Variants in NRG3 observed in about 807,000 individuals in gnomAD.
NRG3 encodes pro-neuregulin-3, membrane-bound isoform.
NRG3 carries 31 observed loss-of-function variants against 66.9 expected under a neutral mutation model. The ratio of observed to expected loss-of-function variants is 0.46; its 90% confidence interval spans 0.35 to 0.63. The LOEUF (loss-of-function observed/expected upper bound fraction) is 0.63, where lower values mean the gene tolerates loss of function less well. NRG3 is among the 20% of genes least tolerant of loss of function. The probability of loss-of-function intolerance (pLI) is 0.00; values close to 1 mark genes in which losing one functional copy is unlikely to be tolerated. For missense variants in NRG3, 910 were observed against 878.9 expected (o/e 1.04, Z -0.45); for synonymous variants, 393 against 359.4 (o/e 1.09, Z -1.06).
chr10:82,708,282 C>T (rs771306270), intron 2 of NRG3, among the ~76,000 whole-genome samples: 5 of 152,032 alleles, frequency 3.3e-5, no homozygotes, highest in Non-Finnish European at 5.9e-5. Context: ...GTGAGTTTCC[C>T]AGGACCATTT....
At chr10:82,638,881 G>A (rs746779388) in intron 2 of NRG3, among the ~76,000 whole-genome samples, 11 of 152,120 alleles carry the variant, frequency 7.2e-5, no homozygotes, top group Non-Finnish European at 1.5e-4. Flanking sequence ...TCTTGACCTC[G>A]GGATCCTCCC....
intron 4 of NRG3, among the ~76,000 whole-genome samples, chr10:82,873,166 C>T (rs1841499099): frequency 6.6e-6 from 1 of 152,022 alleles, no homozygotes; most frequent in Admixed American, 6.5e-5. Flanking sequence ...ATTTCAACAG[C>T]AAATACTGAT....
intron 2 of NRG3, among the ~76,000 whole-genome samples, chr10:82,632,038 G>T (rs2049880155): frequency 6.6e-6 from 1 of 152,046 alleles, no homozygotes; most frequent in African/African-American, 2.4e-5. Context: ...GGAGACAGAG[G>T]TTGCACTGGG....
chr10:82,314,458 AT>A (rs1186323061), intron 1 of NRG3, among the ~76,000 whole-genome samples: 1 of 151,888 alleles, frequency 6.6e-6, no homozygotes, highest in African/African-American at 2.4e-5. Context: ...TTAATTTAAA[AT>A]TTAAAAAAAA....
chr10:81,887,460 A>G (rs2132527367), intron 1 of NRG3, among the ~76,000 whole-genome samples: 1 of 152,330 alleles, frequency 6.6e-6, no homozygotes, highest in South Asian at 2.1e-4. Flanking sequence ...CAAGGATCAA[A>G]TGAAAAGAGA....
chr10:82,360,897 CTCA>C (rs1442490176), intron 2 of NRG3, among the ~76,000 whole-genome samples: 1 of 152,066 alleles, frequency 6.6e-6, no homozygotes, highest in Non-Finnish European at 1.5e-5. Flanking sequence ...GATGTATCTT[CTCA>C]TCATGTTTCC....
At chr10:82,672,483 G>T (rs1032064514) in intron 2 of NRG3, among the ~76,000 whole-genome samples, 2 of 152,152 alleles carry the variant, frequency 1.3e-5, no homozygotes, top group African/African-American at 4.8e-5. Context: ...GATTTCAGGG[G>T]CTAATGTCAA....
intron 1 of NRG3, chr10:82,232,864 G>T (rs1415982327): frequency 2.8e-6 from 2 of 717,084 alleles, no homozygotes; most frequent in Non-Finnish European, 5.2e-6. Flanking sequence ...TGAGAGAAGG[G>T]TAAGGCAGGA....
chr10:82,088,703 C>T (rs1017720725), intron 1 of NRG3, among the ~76,000 whole-genome samples: 1 of 151,984 alleles, frequency 6.6e-6, no homozygotes, highest in Non-Finnish European at 1.5e-5. Flanking sequence ...TCCCTCAGCT[C>T]GGTATTTAAT....
intron 1 of NRG3, among the ~76,000 whole-genome samples, chr10:82,096,840 C>T (rs1250372619): frequency 2.0e-5 from 3 of 152,032 alleles, no homozygotes; most frequent in Admixed American, 6.5e-5. Flanking sequence ...ACAGAAAAGC[C>T]TACACATGAA....
intron 2 of NRG3, among the ~76,000 whole-genome samples, chr10:82,395,998 A>G (rs933880660): frequency 3.3e-5 from 5 of 152,196 alleles, no homozygotes; most frequent in Non-Finnish European, 7.4e-5. Context: ...TTATTTCTTT[A>G]TTAAAATCTT....
chr10:82,568,386 G>A (rs1205407040), intron 2 of NRG3, among the ~76,000 whole-genome samples: 2 of 151,816 alleles, frequency 1.3e-5, no homozygotes, highest in Non-Finnish European at 2.9e-5. Flanking sequence ...GGCTAGGTTA[G>A]GAAATGCTGA....
At chr10:81,888,271 T>A (rs1447702282) in intron 1 of NRG3, among the ~76,000 whole-genome samples, 2 of 152,124 alleles carry the variant, frequency 1.3e-5, no homozygotes, top group Non-Finnish European at 2.9e-5. Context: ...TGTATTTATA[T>A]TCAATAAAAC....
chr10:82,701,082 T>G (rs2134289592), intron 2 of NRG3, among the ~76,000 whole-genome samples: 1 of 152,068 alleles, frequency 6.6e-6, no homozygotes, highest in South Asian at 2.1e-4. Flanking sequence ...AGATATTTTA[T>G]AAAGTCTTAA....
intron 1 of NRG3, among the ~76,000 whole-genome samples, chr10:82,060,110 T>G (rs564186402): frequency 1.3e-5 from 2 of 152,204 alleles, no homozygotes; most frequent in Non-Finnish European, 2.9e-5. Context: ...ACACAGGAAT[T>G]TCATTTCATA....
intron 3 of NRG3, among the ~76,000 whole-genome samples, chr10:82,764,331 G>A (rs908889316): frequency 2.4e-4 from 36 of 151,220 alleles, no homozygotes; most frequent in South Asian, 2.1e-4. Context: ...CACCAGACCC[G>A]GCTTCACATT....
intron 1 of NRG3, among the ~76,000 whole-genome samples, chr10:82,146,366 G>A (rs2070255804): frequency 6.6e-6 from 1 of 152,072 alleles, no homozygotes; most frequent in African/African-American, 2.4e-5. Flanking sequence ...AGTGATCTCT[G>A]TGTTATTCGC....
intron 4 of NRG3, among the ~76,000 whole-genome samples, chr10:82,869,638 C>T (rs944836665): frequency 1.2e-4 from 13 of 105,612 alleles, no homozygotes; most frequent in African/African-American, 3.3e-4. Flanking sequence ...GACAGAGTTT[C>T]GCTCTGTCAC....
At chr10:82,432,187 C>T (rs1011125025) in intron 2 of NRG3, among the ~76,000 whole-genome samples, 1 of 152,198 alleles carries the variant, frequency 6.6e-6, no homozygotes, top group African/African-American at 2.4e-5. Context: ...AGATATTACA[C>T]TGAAAAAATT....
Sources: gnomAD v4.1 joint callset for allele counts (sites outside exome capture counted in the v4.1 genomes callset) on GRCh38, gnomAD v4.1.1 for gene constraint, MANE v1.5 for transcripts, NCBI Gene and HGNC (gene_info 2026-07-23, HGNC 2026-07-21) for gene names.